Variants in ARHGEF9 observed in about 807,000 individuals in gnomAD.
ARHGEF9 encodes Cdc42 guanine nucleotide exchange factor 9, also known as rho guanine nucleotide exchange factor 9.
In ARHGEF9, 2 loss-of-function variants were observed where a neutral mutation model predicts 41.3. The ratio of observed to expected loss-of-function variants is 0.05; its 90% CI spans 0.02 to 0.15. The LOEUF (loss-of-function observed/expected upper bound fraction) is 0.15, where lower values mean the gene tolerates loss of function less well. Ranked by LOEUF, ARHGEF9 falls within the 10% of genes least tolerant of loss-of-function variation. ARHGEF9 has a pLI of 1.00. For synonymous variants in ARHGEF9, 160 were observed against 154.4 expected, an observed-to-expected ratio of 1.04 and a Z score of -0.27; for missense variants, 225 against 424.7, an observed-to-expected ratio of 0.53 and a Z score of 4.13.
chrX:63,637,822 A>C lies in ARHGEF9; in HGVS notation c.*206T>G. ...ATATTTCACTTCCCCAAAACAACAG[A>C]AAACACTTTTGTTCCTTATCTCTCT... On this transcript the variant is annotated 3_prime_UTR_variant, in exon 10 of 10. Transcript: ENST00000671741. 3.1e-6 allele frequency: 1 copy of C among 326,508 alleles called. No individual in the cohort carries two copies. Among genetic ancestry groups the C allele is most frequent in the Non-Finnish European group, 5.2e-6 (1 of 193,370 alleles). 26.9% of individuals were successfully genotyped at this position (326,508 alleles called of 1,213,427 possible).
chrX:63,645,142 T>G (rs1304861318), intron 8 of ARHGEF9, among the ~76,000 whole-genome samples: 2 of 110,705 alleles, frequency 1.8e-5, no homozygotes, highest in African/African-American at 6.6e-5. Context: ...TATCTAAAAA[T>G]AAATAAAAAG....
At chrX:63,738,495 C>T (rs1407786886) in intron 1 of ARHGEF9, among the ~76,000 whole-genome samples, 3 of 111,579 alleles carry the variant, frequency 2.7e-5, no homozygotes, top group African/African-American at 9.8e-5. Flanking sequence ...TAACCTTTTC[C>T]TATTCACTTC....
At chrX:63,655,169 C>A (rs2048802889) in intron 8 of ARHGEF9, among the ~76,000 whole-genome samples, 1 of 111,897 alleles carries the variant, frequency 8.9e-6, no homozygotes, top group Admixed American at 9.5e-5. Context: ...AGAGCTCAGG[C>A]TTTATGAAGA....
At chrX:63,677,225 T>C (rs1170336076) in intron 5 of ARHGEF9, among the ~76,000 whole-genome samples, 1 of 111,826 alleles carries the variant, frequency 8.9e-6, no homozygotes, top group East Asian at 2.8e-4. Context: ...AGAACAAAGA[T>C]TTTCTACTTC....
intron 9 of ARHGEF9, chrX:63,639,842 T>G (rs1177033707): frequency 8.9e-6 from 1 of 111,789 alleles, no homozygotes; most frequent in East Asian, 2.8e-4. Flanking sequence ...CTCATAATGT[T>G]AAGTGAAATA....
In ARHGEF9 at chrX:63,636,364, G is replaced by A. The variant is rs1229788789; in HGVS notation, c.*1664C>T. 9.0e-6 allele frequency: 1 copy of A among 111,713 alleles called. No homozygotes were observed. The highest frequency in any genetic ancestry group is 3.3e-5 in the African/African-American group (1 of 30,639). 9.2% of individuals were successfully genotyped at this position (111,713 alleles called of 1,213,427 possible). On this transcript the variant is annotated 3_prime_UTR_variant, in exon 10 of 10. Coordinates refer to ENST00000671741, the MANE Select transcript of ARHGEF9 (RefSeq NM_001353921.2). ...ATCCATGAAAAGGGCTATGTGTGGA[G>A]GAAAAACAGGTACTCCAACATCCAT... is the stretch of plus-strand genomic sequence containing the variant.
Position 63,637,873 on chromosome X carries a change from TG to T in ARHGEF9, c.*154del, listed in dbSNP as rs1556300209. The T allele has an allele frequency of 2.9e-5, 12 of 409,010 alleles. No homozygotes were observed. The African/African-American group carries it at 3.1e-4, about 10-fold the overall frequency. 33.7% of individuals were successfully genotyped at this position (409,010 alleles called of 1,213,427 possible). ...GTGTGTGTGTGTGTGTGTGTGTGTG[TG>T]TGTGTGTCTGTGTGTGTGTGTGTGT... On this transcript the variant is annotated 3_prime_UTR_variant, in exon 10 of 10. Coordinates refer to ENST00000671741, the MANE Select transcript of ARHGEF9 (RefSeq NM_001353921.2).
intron 2 of ARHGEF9, among the ~76,000 whole-genome samples, chrX:63,718,086 G>A (rs1425971211): frequency 9.0e-6 from 1 of 111,323 alleles, no homozygotes; most frequent in Non-Finnish European, 1.9e-5. Context: ...ACCCACTTCT[G>A]AGTATTGTTT....
chrX:63,644,189 C>T, intron 8 of ARHGEF9, 141 bp from the exon 9 acceptor site: 1 of 430,261 alleles, frequency 2.3e-6, no homozygotes, highest in Non-Finnish European at 3.8e-6. Context: ...AAATCATTCC[C>T]TTTAACCCAG....
Position 63,635,287 on chromosome X carries a change from G to T in ARHGEF9, c.*2741C>A. 1.9e-6 allele frequency: 1 copy of T among 515,820 alleles called. No homozygotes were observed. Among genetic ancestry groups the T allele is most frequent in the South Asian group, 2.5e-5 (1 of 39,246 alleles). The allele number at this position is 515,820 out of a possible 1,213,427, so 42.5% of individuals were successfully genotyped here. The stretch of plus-strand genomic sequence containing the variant: ...ATTAGAAATATACACATAGAGAGGG[G>T]GGGAAAAAGAGAGAATAATTAGATG... On this transcript the variant is annotated 3_prime_UTR_variant, in exon 10 of 10. Coordinates refer to ENST00000671741, the MANE Select transcript of ARHGEF9 (RefSeq NM_001353921.2).
chrX:63,724,359 G>A (rs782053566), intron 2 of ARHGEF9, among the ~76,000 whole-genome samples, 173 bp downstream of exon 2: 23 of 110,593 alleles, frequency 2.1e-4, no homozygotes, highest in Non-Finnish European at 4.0e-4. Flanking sequence ...AAATTAAAAG[G>A]GCACAGATTA....
At chrX:63,667,284 C>T (rs1179949951) in intron 6 of ARHGEF9, among the ~76,000 whole-genome samples, 1 of 111,616 alleles carries the variant, frequency 9.0e-6, no homozygotes, top group Non-Finnish European at 1.9e-5. Context: ...CAAAGTTGCC[C>T]AACTAGTTAG....
intron 4 of ARHGEF9, among the ~76,000 whole-genome samples, chrX:63,683,754 T>A (rs2050804160): frequency 9.0e-6 from 1 of 111,366 alleles, no homozygotes; most frequent in Non-Finnish European, 1.9e-5. Context: ...GAACGTATAG[T>A]CTCTTCAATA....
At chrX:63,716,924 C>A (rs1264323390) in intron 2 of ARHGEF9, among the ~76,000 whole-genome samples, 1 of 112,189 alleles carries the variant, frequency 8.9e-6, no homozygotes, top group Non-Finnish European at 1.9e-5. Flanking sequence ...CTGGCCCTGT[C>A]CCGTATATAG....
At chrX:63,655,141 C>T (rs1365041741) in intron 8 of ARHGEF9, among the ~76,000 whole-genome samples, 2 of 112,163 alleles carry the variant, frequency 1.8e-5, no homozygotes, top group Non-Finnish European at 3.8e-5. Flanking sequence ...GGAGTACAAA[C>T]TATATACCTA....
rs782165403 is a variant in ARHGEF9 at position 63,721,501 on chromosome X, C to T, written c.210+3031G>A. ...GTAACAGGTTGTCATGTGTCCTGTC[C>T]ACAACCTACCCTTAATTAGGCAGCA... is the stretch of plus-strand genomic sequence containing the variant. On this transcript the variant is annotated intron_variant, in intron 2 of 9. Transcript: ENST00000671741. Among the ~76,000 whole-genome samples, 4 of 111,123 alleles carry T rather than the reference C, an allele frequency of 3.6e-5. No homozygotes were observed. The South Asian group carries it at 1.2e-3, about 32-fold the overall frequency.
intron 3 of ARHGEF9, among the ~76,000 whole-genome samples, chrX:63,700,097 T>A (rs1489110875): frequency 8.9e-6 from 1 of 111,935 alleles, no homozygotes; most frequent in Non-Finnish European, 1.9e-5. Flanking sequence ...GAATGAAATA[T>A]TATCAAGGAA....
intron 1 of ARHGEF9, among the ~76,000 whole-genome samples, chrX:63,733,629 G>A (rs2054446813): frequency 8.9e-6 from 1 of 112,191 alleles, no homozygotes; most frequent in African/African-American, 3.2e-5. Flanking sequence ...ATTTTTTCAT[G>A]ACACAAAATC....
At chrX:63,642,579 C>G (rs141905676) in intron 9 of ARHGEF9, 1 of 111,643 alleles carries the variant, frequency 9.0e-6, no homozygotes, top group Non-Finnish European at 1.9e-5. Flanking sequence ...GTCTAGTCAG[C>G]GGAGCTAGGT....
Sources: gnomAD v4.1 joint callset for allele counts (sites outside exome capture counted in the v4.1 genomes callset) on GRCh38, gnomAD v4.1.1 for gene constraint, MANE v1.5 for transcripts, NCBI Gene and HGNC (gene_info 2026-07-23, HGNC 2026-07-21) for gene names.